The following TCHP variants were observed in gnomAD, a reference collection of about 807,000 sequenced individuals.
TCHP encodes the protein trichoplein keratin filament binding.
TCHP carries 81 observed loss-of-function variants against 88.7 expected under a neutral mutation model. The ratio of observed to expected loss-of-function variants is 0.91; its 90% confidence interval spans 0.76 to 1.10. The LOEUF is 1.10. Among genes scored for constraint, TCHP ranks in the 50% least tolerant of loss-of-function variants. The probability of loss-of-function intolerance (pLI) is 0.00; values close to 1 mark genes in which losing one functional copy is unlikely to be tolerated. For missense variants in TCHP, 641 were observed against 632.1 expected (o/e 1.01, Z -0.15); for synonymous variants, 232 against 232.5 (o/e 1.00, Z 0.02).
At chr12:109,882,587 C>T in the TCHP span, among the ~76,000 whole-genome samples, 2 of 148,708 alleles carry the variant, frequency 1.3e-5, no homozygotes, top group African/African-American at 2.5e-5. Context: ...GAGTTGAGGT[C>T]AGGGAGGTGG....
chr12:109,905,037 T>C lies in TCHP; in HGVS notation c.456+244T>C. Reference sequence around the variant, plus strand: ...CAGGTGCGGGCATGGAGATTAGACATGGTTTCTGCTCATTAGCTTGTGTCC... The same window carrying C: ...CAGGTGCGGGCATGGAGATTAGACACGGTTTCTGCTCATTAGCTTGTGTCC... On this transcript the variant is annotated intron_variant, in intron 4 of 12. Transcript: ENST00000405876. This position sits in a 1 kb window ranked among gnomAD's most constrained non-coding sequence, Gnocchi z 4.0. 1.9e-6 allele frequency: 1 copy of C among 514,328 alleles called. No individual in the cohort carries two copies. Among genetic ancestry groups the C allele is most frequent in the Non-Finnish European group, 3.5e-6 (1 of 288,524 alleles). 31.9% of individuals were successfully genotyped at this position (514,328 alleles called of 1,614,324 possible).
chr12:109,882,824 T>A, the TCHP span, among the ~76,000 whole-genome samples: 1 of 150,662 alleles, frequency 6.6e-6, no homozygotes, highest in African/African-American at 2.4e-5. Context: ...GCCTGGCTAA[T>A]TTTTTTGTAT....
At chr12:109,900,227 C>T (rs1049222162), upstream of TCHP, 1 of 152,292 alleles carries the variant, frequency 6.6e-6, no homozygotes, top group African/African-American at 2.4e-5. Context: ...CAGAGAAAAA[C>T]ACAGGCTCCC....
Position 109,904,797 on chromosome 12 carries a change from A to AAAAT in TCHP, c.456+5_456+8dup, listed in dbSNP as rs1407621395. The AAAAT allele has an allele frequency of 6.2e-7, 1 of 1,612,176 alleles. No individual in the cohort carries two copies. Among genetic ancestry groups the AAAAT allele is most frequent in the Non-Finnish European group, 8.5e-7 (1 of 1,179,206 alleles). On this transcript the variant is annotated splice_donor_region_variant and intron_variant, in intron 4 of 12. Coordinates refer to ENST00000405876, the MANE Select transcript of TCHP (RefSeq NM_001143852.2). ...GAACAACCCGAAACTTCGAGAGGTG[A>AAAAT]AAATCAGAGATCTCCATTGATTTAT... is the stretch of plus-strand genomic sequence containing the variant.
chr12:109,910,993 C>G (rs1870449458), intron 8 of TCHP, 70 bp from the exon 9 acceptor site: 2 of 1,429,742 alleles, frequency 1.4e-6, no homozygotes, highest in Non-Finnish European at 1.8e-6. Flanking sequence ...GAGGGCAGGC[C>G]CCTCTGTAGG....
intron 6 of TCHP, 88 bp from the exon 7 acceptor site, chr12:109,908,498 T>G (rs1441433752): frequency 1.8e-6 from 2 of 1,133,564 alleles, no homozygotes; most frequent in African/African-American, 3.1e-5. Flanking sequence ...TGGTGTAGTG[T>G]CTGCGAAAAA....
chr12:109,882,428 T>TAAAA, the TCHP span, among the ~76,000 whole-genome samples: 1 of 98,430 alleles, frequency 1.0e-5, no homozygotes, highest in African/African-American at 3.6e-5. Flanking sequence ...AGACTCCGTC[T>TAAAA]AAAAAAAAAA....
chr12:109,904,999 C>T, intron 4 of TCHP: 2 of 565,040 alleles, frequency 3.5e-6, no homozygotes, highest in South Asian at 4.3e-5. Flanking sequence ...TGAACCTCCG[C>T]TGCCTGGTCT....
At position 109,906,728 on chromosome 12, in the gene TCHP, G is replaced by C. The variant is rs530315227; in HGVS notation, c.525+88G>C. ...CATTCGTTTACCGTTTTCAGCATCA[G>C]TGACTCCAGTTAAGGAGTGTAGTGT... On this transcript the variant is annotated intron_variant, in intron 5 of 12. Transcript: ENST00000405876. 65 of 1,091,142 alleles carry C rather than the reference G, an allele frequency of 6.0e-5. No homozygotes were observed. In the African/African-American group the frequency reaches 7.5e-4, roughly 13 times the overall value. 67.6% of individuals were successfully genotyped at this position (1,091,142 alleles called of 1,614,324 possible).
chr12:109,892,608 T>C, the TCHP span, among the ~76,000 whole-genome samples: 1 of 152,170 alleles, frequency 6.6e-6, no homozygotes, highest in Non-Finnish European at 1.5e-5. Flanking sequence ...GAATGGCCAG[T>C]GGGTGCCTGT....
chr12:109,904,819 T>G (rs372309832), intron 4 of TCHP, 26 bp downstream of exon 4: 11 of 1,596,862 alleles, frequency 6.9e-6, no homozygotes, highest in Non-Finnish European at 9.4e-6. Context: ...CTCCATTGAT[T>G]TATCTAAGTA....
intron 3 of TCHP, 86 bp from the exon 4 acceptor site, chr12:109,904,651 T>G: frequency 4.0e-6 from 5 of 1,262,758 alleles, no homozygotes; most frequent in African/African-American, 1.5e-5. Flanking sequence ...ACTCATAGCC[T>G]GAGCTGACTT....
the TCHP span, among the ~76,000 whole-genome samples, chr12:109,890,152 C>A: frequency 2.0e-5 from 3 of 152,252 alleles, no homozygotes; most frequent in South Asian, 6.2e-4. Flanking sequence ...GAGGGCCTGG[C>A]CTTTGTAGTC....
In TCHP at chr12:109,905,114, A is replaced by G; in HGVS notation, c.456+321A>G. ...ATGCAGGGTGCTGGGCCAGCCTGAG[A>G]GGATGAGCATGGGCCAGCGCACTCA... On this transcript the variant is annotated intron_variant, in intron 4 of 12. Transcript: ENST00000405876. This position sits in a 1 kb window ranked among gnomAD's most constrained non-coding sequence, Gnocchi z 4.0. The G allele has an allele frequency of 2.8e-6, 1 of 352,904 alleles. No individual in the cohort carries two copies. Among genetic ancestry groups the G allele is most frequent in the Non-Finnish European group, 5.2e-6 (1 of 190,588 alleles). The allele number at this position is 352,904 out of a possible 1,614,324, so 21.9% of individuals were successfully genotyped here.
intron 8 of TCHP, 112 bp downstream of exon 8, chr12:109,909,049 G>A (rs1870331814): frequency 1.4e-5 from 14 of 994,852 alleles, no homozygotes; most frequent in Non-Finnish European, 2.1e-5. Flanking sequence ...TGAGGGGTTG[G>A]GGGAAAGGGG....
chr12:109,900,235 C>G (rs1034224516), upstream of TCHP: 5 of 152,286 alleles, frequency 3.3e-5, no homozygotes, highest in African/African-American at 1.2e-4. Context: ...AACACAGGCT[C>G]CCTACGCGCT....
chr12:109,909,079 C>A (rs1374960607), intron 8 of TCHP, 142 bp downstream of exon 8: 1 of 731,836 alleles, frequency 1.4e-6, no homozygotes, highest in Admixed American at 2.4e-5. Context: ...TCAAAGGATA[C>A]ATCCCTCGGT....
intron 3 of TCHP, 30 bp downstream of exon 3, chr12:109,904,177 T>G (rs375189144): frequency 8.9e-5 from 137 of 1,545,450 alleles, no homozygotes; most frequent in Non-Finnish European, 1.1e-4. Context: ...CAGGAGGCTG[T>G]GGAGCAGGAG....
chr12:109,910,919 A>G (rs1478767685), intron 8 of TCHP, 144 bp from the exon 9 acceptor site: 6 of 1,257,366 alleles, frequency 4.8e-6, no homozygotes, highest in Admixed American at 7.1e-5. Context: ...ATAATCCAGG[A>G]TCTTCCCATC....
Sources: allele counts gnomAD v4.1 joint callset (sites outside exome capture counted in the v4.1 genomes callset), GRCh38; gene constraint gnomAD v4.1.1; non-coding constraint Gnocchi (gnomAD v3.1); transcripts MANE v1.5; gene names NCBI Gene and HGNC (gene_info 2026-07-23, HGNC 2026-07-21).